Variants in OR2F1 observed in about 807,000 individuals in gnomAD.
The protein encoded by OR2F1 is olfactory receptor family 2 subfamily F member 1, also known as olfactory receptor 2F1.
For missense variants in OR2F1, 389 were observed against 378.2 expected (o/e 1.03, Z -0.24); for synonymous variants, 146 against 155.3 (o/e 0.94, Z 0.44).
In OR2F1 at chr7:143,960,664, G is replaced by T; in HGVS notation, c.694G>T (p.Glu232Ter). 1 of 1,614,120 alleles carries T rather than the reference G, an allele frequency of 6.2e-7. No individual in the cohort carries two copies. Among genetic ancestry groups the T allele is most frequent in the South Asian group, 1.1e-5 (1 of 91,080 alleles). Residue 232 changes from glutamate (E) to a stop codon, truncating the protein, a stop_gained, in exon 3 of 3, where the codon GAA becomes TAA. Coordinates refer to ENST00000641412, the MANE Select transcript of OR2F1 (RefSeq NM_012369.3). LOFTEE classifies it low-confidence loss of function (END_TRUNC). ...ISTILKIQSR[E>*]GRKKAFHTCA... ...CACCATCCTAAAGATCCAGTCCAGAGAAGGAAGAAAGAAAGCTTTCCACAC... is the reference window on the plus strand; with the variant it reads ...CACCATCCTAAAGATCCAGTCCAGATAAGGAAGAAAGAAAGCTTTCCACAC...
chr7:143,960,263 C>T lies in OR2F1; in HGVS notation c.293C>T (p.Ala98Val), dbSNP rs199744126. Residue 98 changes from alanine (A) to valine (V), a missense_variant, in exon 3 of 3, where the codon GCA becomes GTA. Ala to Val is a moderately conservative substitution (Grantham distance 64). Coordinates refer to ENST00000641412, the MANE Select transcript of OR2F1 (RefSeq NM_012369.3). ...EHKAIPFQSC[A>V]AQLFFSLALG... ...AAAGCCATCCCATTCCAGAGCTGTG[C>T]AGCCCAGTTATTTTTCTCCCTGGCC... 3.1e-6 allele frequency: 5 copies of T among 1,614,086 alleles called. No homozygotes were observed. The highest frequency in any genetic ancestry group is 4.2e-6 in the Non-Finnish European group (5 of 1,180,052).
In OR2F1 at chr7:143,961,231, T is replaced by C. The variant is rs138927095; in HGVS notation, c.*307T>C. On this transcript the variant is annotated 3_prime_UTR_variant, in exon 3 of 3. Coordinates refer to ENST00000641412, the MANE Select transcript of OR2F1 (RefSeq NM_012369.3). ...CTGTTTTGATTTGTCATATCGTTTG[T>C]AATGATAGACCTACTCATGGATCTT... 22 of 293,412 alleles carry C rather than the reference T, an allele frequency of 7.5e-5. No homozygotes were observed. In the East Asian group the frequency reaches 1.1e-3, roughly 15 times the overall value. 18.2% of individuals were successfully genotyped at this position (293,412 alleles called of 1,614,324 possible).
Position 143,960,146 on chromosome 7 carries a change from T to C in OR2F1, c.176T>C (p.Met59Thr). ...CTGGACAGCCGACTCCACACTCCCATGTATTTCTTTCTCACCAACCTCTCC... is the reference window on the plus strand; with the variant it reads ...CTGGACAGCCGACTCCACACTCCCACGTATTTCTTTCTCACCAACCTCTCC... ...IRLDSRLHTP[M>T]YFFLTNLSLV... is the part of the protein sequence containing the mutation. The change falls in exon 3 of 3, where the codon ATG (methionine) becomes ACG (threonine). Residue 59 changes from methionine (M) to threonine (T), a missense_variant. Transcript: ENST00000641412. The C allele has an allele frequency of 1.2e-6, 2 of 1,614,150 alleles. No homozygotes were observed. The highest frequency in any genetic ancestry group is 1.1e-5 in the South Asian group (1 of 91,076).
chr7:143,960,580 A>G lies in OR2F1; in HGVS notation c.610A>G (p.Ile204Val). 1 of 1,614,142 alleles carries G rather than the reference A, an allele frequency of 6.2e-7. No individual in the cohort carries two copies. The highest frequency in any genetic ancestry group is 8.5e-7 in the Non-Finnish European group (1 of 1,180,030). Reference sequence around the variant, plus strand: ...TGAGGTCACCATCATGGTGTCTAGCATTGTTCTTCTGATGACACCCTTCTG... The same window carrying G: ...TGAGGTCACCATCATGGTGTCTAGCGTTGTTCTTCTGATGACACCCTTCTG... ...SNEVTIMVSS[I>V]VLLMTPFCLV... The change falls in exon 3 of 3, where the codon ATT becomes GTT. Residue 204 changes from isoleucine to valine, a missense_variant. Ile to Val is a conservative substitution (Grantham distance 29). Coordinates refer to ENST00000641412, the MANE Select transcript of OR2F1 (RefSeq NM_012369.3).
At position 143,964,065 on chromosome 7, in the gene OR2F1, T is replaced by G. The variant is rs1471276294; in HGVS notation, c.*3141T>G. 2.6e-5 allele frequency: 4 copies of G among 152,152 alleles called. No homozygotes were observed. The highest frequency in any genetic ancestry group is 2.6e-4 in the Admixed American group (4 of 15,270). The allele number at this position is 152,152 out of a possible 1,614,324, so 9.4% of individuals were successfully genotyped here. A position where few individuals can be genotyped will look rare whatever the true frequency, so the allele number is the denominator to read the frequency against. ...TTTTTTATTTGATAGAGTTTTTAAT[T>G]TCAAGGCTGCACTTTCTCGGTAACT... On this transcript the variant is annotated 3_prime_UTR_variant, in exon 3 of 3. Transcript: ENST00000641412.
intron 1 of OR2F1, among the ~76,000 whole-genome samples, chr7:143,956,007 C>T (rs2050282610): frequency 6.6e-6 from 1 of 152,146 alleles, no homozygotes; most frequent in African/African-American, 2.4e-5. Context: ...AACTTGGCTG[C>T]ATGCTTGTAT....
chr7:143,959,877 C>A, intron 2 of OR2F1, 71 bp from the exon 3 acceptor site: 1 of 1,028,708 alleles, frequency 9.7e-7, no homozygotes, highest in Non-Finnish European at 1.4e-6. Context: ...CTGGCATGTA[C>A]AGAATGCATT....
Position 143,961,090 on chromosome 7 carries a change from G to A in OR2F1, c.*166G>A. 3.3e-6 allele frequency: 2 copies of A among 610,148 alleles called. No individual in the cohort carries two copies. The highest frequency in any genetic ancestry group is 5.9e-6 in the Non-Finnish European group (2 of 339,352). 37.8% of individuals were successfully genotyped at this position (610,148 alleles called of 1,614,324 possible). ...AGTGGTTCAATTGGATGGGGTGTGGGACGTGGGGTTATATTTATGAACAGT... is the reference window on the plus strand; with the variant it reads ...AGTGGTTCAATTGGATGGGGTGTGGAACGTGGGGTTATATTTATGAACAGT... On this transcript the variant is annotated 3_prime_UTR_variant, in exon 3 of 3. Coordinates refer to ENST00000641412, the MANE Select transcript of OR2F1 (RefSeq NM_012369.3).
chr7:143,959,961 GA>G lies in OR2F1; in HGVS notation c.-8del. ...CTCCCTTCACAGATTAATAATCCTT[GA>G]ATATTTTAATGGGAACAGATAACCA... is the stretch of plus-strand genomic sequence containing the variant. On this transcript the variant is annotated 5_prime_UTR_variant, in exon 3 of 3. Transcript: ENST00000641412. 2 of 1,572,514 alleles carry G rather than the reference GA, an allele frequency of 1.3e-6. No individual in the cohort carries two copies. Among genetic ancestry groups the G allele is most frequent in the Non-Finnish European group, 1.7e-6 (2 of 1,156,834 alleles).
Position 143,960,043 on chromosome 7 carries a change from G to C in OR2F1, c.73G>C (p.Val25Leu), listed in dbSNP as rs749833079. The change falls in exon 3 of 3, where the codon GTC becomes CTC. Residue 25 changes from valine (V) to leucine (L), a missense_variant. Physicochemically the swap from Val to Leu is conservative, Grantham distance 32. Coordinates refer to ENST00000641412, the MANE Select transcript of OR2F1 (RefSeq NM_012369.3). ...LGLSSDWDTR[V>L]SLFVLFLVMY... Reference sequence around the variant, plus strand: ...CCTGTCCAGTGACTGGGACACTCGGGTCTCCCTGTTTGTCCTGTTCTTGGT... The same window carrying C: ...CCTGTCCAGTGACTGGGACACTCGGCTCTCCCTGTTTGTCCTGTTCTTGGT... The C allele has an allele frequency of 6.2e-7, 1 of 1,614,102 alleles. No individual in the cohort carries two copies. The highest frequency in any genetic ancestry group is 1.1e-5 in the South Asian group (1 of 91,074).
chr7:143,957,095 G>C (rs1041163024), intron 1 of OR2F1, among the ~76,000 whole-genome samples: 1 of 152,214 alleles, frequency 6.6e-6, no homozygotes, highest in Non-Finnish European at 1.5e-5. Context: ...AATCTAGAAG[G>C]TAAATGTAAA....
Position 143,960,974 on chromosome 7 carries a change from C to T in OR2F1, c.*50C>T. ...CAGCTTTGCCTCAGTGTTCTCCACC[C>T]AGCTGAGATCTGACAGGTGTAAACT... is the stretch of plus-strand genomic sequence containing the variant. On this transcript the variant is annotated 3_prime_UTR_variant, in exon 3 of 3. Coordinates refer to ENST00000641412, the MANE Select transcript of OR2F1 (RefSeq NM_012369.3). 1 of 1,404,298 alleles carries T rather than the reference C, an allele frequency of 7.1e-7. No individual in the cohort carries two copies. Among genetic ancestry groups the T allele is most frequent in the East Asian group, 2.3e-5 (1 of 43,758 alleles). The allele number at this position is 1,404,298 out of a possible 1,614,324, so 87.0% of individuals were successfully genotyped here.
At chr7:143,955,489 T>G (rs1398808124) in intron 1 of OR2F1, among the ~76,000 whole-genome samples, 2 of 152,222 alleles carry the variant, frequency 1.3e-5, no homozygotes, top group East Asian at 3.8e-4. Context: ...ATAAATGTAA[T>G]ACATTTCAGG....
Position 143,960,217 on chromosome 7 carries a change from G to T in OR2F1, c.247G>T (p.Ala83Ser). 1 of 1,614,138 alleles carries T rather than the reference G, an allele frequency of 6.2e-7. No individual in the cohort carries two copies. The highest frequency in any genetic ancestry group is 8.5e-7 in the Non-Finnish European group (1 of 1,180,032). Residue 83 changes from alanine (A) to serine (S), a missense_variant, in exon 3 of 3, where the codon GCA becomes TCA. Transcript: ENST00000641412. ...YATSVVPQLL[A>S]HFLAEHKAIP... The stretch of plus-strand genomic sequence containing the variant: ...CACAAGTGTAGTCCCTCAGCTGCTG[G>T]CACATTTTCTTGCAGAACATAAAGC...
In OR2F1 at chr7:143,962,415, T is replaced by C. The variant is rs2050336451; in HGVS notation, c.*1491T>C. ...AATGGTTGTTGCACACAATAGTCAATATGATACCATCATAACAAGGATAAT... is the reference window on the plus strand; with the variant it reads ...AATGGTTGTTGCACACAATAGTCAACATGATACCATCATAACAAGGATAAT... On this transcript the variant is annotated 3_prime_UTR_variant, in exon 3 of 3. Transcript: ENST00000641412. 6.6e-6 allele frequency: 1 copy of C among 152,216 alleles called. No individual in the cohort carries two copies. Among genetic ancestry groups the C allele is most frequent in the Admixed American group, 6.5e-5 (1 of 15,280 alleles). 9.4% of individuals were successfully genotyped at this position (152,216 alleles called of 1,614,324 possible).
rs1479308143 is a variant in OR2F1 at position 143,961,000 on chromosome 7, A to G, written c.*76A>G. 5 of 1,151,082 alleles carry G rather than the reference A, an allele frequency of 4.3e-6. No homozygotes were observed. In the Admixed American group the frequency reaches 6.8e-5, roughly 16 times the overall value. The allele number at this position is 1,151,082 out of a possible 1,614,324, so 71.3% of individuals were successfully genotyped here. A position where few individuals can be genotyped will look rare whatever the true frequency, so the allele number is the denominator to read the frequency against. On this transcript the variant is annotated 3_prime_UTR_variant, in exon 3 of 3. Coordinates refer to ENST00000641412, the MANE Select transcript of OR2F1 (RefSeq NM_012369.3). Reference sequence around the variant, plus strand: ...AGCTGAGATCTGACAGGTGTAAACTACATTGCCCTGGCAACCAGGAAGGAG... The same window carrying G: ...AGCTGAGATCTGACAGGTGTAAACTGCATTGCCCTGGCAACCAGGAAGGAG...
At position 143,960,355 on chromosome 7, in the gene OR2F1, G is replaced by T; in HGVS notation, c.385G>T (p.Ala129Ser). Residue 129 changes from alanine (A) to serine (S), a missense_variant, in exon 3 of 3, where the codon GCC becomes TCC. Transcript: ENST00000641412. ...TGACCGCTATGTGGCTGTGTGTGAT[G>T]CCCTGCGATACTCGGCCATCATGCA... ...AYDRYVAVCD[A>S]LRYSAIMHGG... The T allele has an allele frequency of 6.2e-7, 1 of 1,614,134 alleles. No individual in the cohort carries two copies.
intron 1 of OR2F1, among the ~76,000 whole-genome samples, chr7:143,957,323 T>C (rs2050292635): frequency 6.6e-6 from 1 of 152,104 alleles, no homozygotes; most frequent in Non-Finnish European, 1.5e-5. Context: ...GTTGAGAGTT[T>C]GAAGGAACAA....
At chr7:143,956,009 T>C (rs1477272324) in intron 1 of OR2F1, among the ~76,000 whole-genome samples, 1 of 152,218 alleles carries the variant, frequency 6.6e-6, no homozygotes, top group African/African-American at 2.4e-5. Flanking sequence ...CTTGGCTGCA[T>C]GCTTGTATTA....
Sources: allele counts gnomAD v4.1 joint callset (sites outside exome capture counted in the v4.1 genomes callset), GRCh38; gene constraint gnomAD v4.1.1; transcripts MANE v1.5; gene names NCBI Gene and HGNC (gene_info 2026-07-23, HGNC 2026-07-21).